Variants in DEPDC4 observed in about 807,000 individuals in gnomAD.
DEPDC4 encodes DEP domain-containing protein 4.
A neutral mutation model predicts 52.0 loss-of-function variants in DEPDC4; 52 were observed. The ratio of observed to expected loss-of-function variants is 1.00; its 90% confidence interval spans 0.80 to 1.26. The LOEUF (loss-of-function observed/expected upper bound fraction) is 1.26. Ranked by LOEUF, DEPDC4 falls within the 50% of genes most tolerant of loss-of-function variation. DEPDC4 has a pLI of 0.00. For synonymous variants in DEPDC4, 201 were observed against 196.8 expected (o/e 1.02, Z -0.18); for missense variants, 530 against 546.9 (o/e 0.97, Z 0.31).
At chr12:100,234,721 T>C (rs1487587790) in intron 9 of DEPDC4, among the ~76,000 whole-genome samples, 3 of 152,238 alleles carry the variant, frequency 2.0e-5, no homozygotes, top group Non-Finnish European at 2.9e-5. Flanking sequence ...GGAAATTTAC[T>C]GAATATTCTA....
chr12:100,276,702 T>A, the DEPDC4 span, among the ~76,000 whole-genome samples: 1 of 152,156 alleles, frequency 6.6e-6, no homozygotes, highest in South Asian at 2.1e-4. Context: ...AAACTTTTTT[T>A]TTACTTCATT....
chr12:100,244,304 C>T (rs1379632786), intron 8 of DEPDC4, among the ~76,000 whole-genome samples: 2 of 151,302 alleles, frequency 1.3e-5, no homozygotes, highest in African/African-American at 4.9e-5. Flanking sequence ...CCTCAGCCCC[C>T]CGAGTGGCTG....
chr12:100,271,661 G>C (rs1207183035), upstream of DEPDC4, among the ~76,000 whole-genome samples: 1 of 152,196 alleles, frequency 6.6e-6, no homozygotes, highest in East Asian at 1.9e-4. Context: ...GAGACTGAAA[G>C]TTATTAAATG....
downstream of DEPDC4, among the ~76,000 whole-genome samples, chr12:100,236,483 A>T (rs141989321): frequency 3.9e-5 from 6 of 151,932 alleles, no homozygotes; most frequent in African/African-American, 1.5e-4. Context: ...GGTCATTTGT[A>T]TATCTTCTTT....
At chr12:100,281,592 GGGAGTC>G in the DEPDC4 span, among the ~76,000 whole-genome samples, 2 of 152,144 alleles carry the variant, frequency 1.3e-5, no homozygotes, top group Non-Finnish European at 2.9e-5. Context: ...CCAGCACTTT[GGGAGTC>G]TGAGGCGGGC....
the DEPDC4 span, among the ~76,000 whole-genome samples, chr12:100,280,524 G>T: frequency 1.3e-5 from 2 of 152,052 alleles, no homozygotes; most frequent in African/African-American, 4.8e-5. Flanking sequence ...TTTGAAGAAA[G>T]CTTCCTTTAA....
downstream of DEPDC4, among the ~76,000 whole-genome samples, chr12:100,237,213 T>C (rs533284428): frequency 5.7e-4 from 86 of 151,408 alleles, no homozygotes; most frequent in African/African-American, 1.1e-3. Flanking sequence ...TTTTCTTTTT[T>C]TTTTTTTTTG....
At chr12:100,267,277 A>T (rs1431667479), upstream of DEPDC4, 1 of 587,276 alleles carries the variant, frequency 1.7e-6, no homozygotes, top group Admixed American at 3.1e-5. Context: ...GGCGGAGGAT[A>T]TGGAGTAAAG....
upstream of DEPDC4, among the ~76,000 whole-genome samples, chr12:100,269,297 A>G (rs185948787): frequency 1.3e-5 from 2 of 151,882 alleles, no homozygotes; most frequent in South Asian, 4.2e-4. Context: ...TGGTTATGCT[A>G]CTTCCTCTGC....
upstream of DEPDC4, chr12:100,267,175 T>C: frequency 7.4e-7 from 1 of 1,343,944 alleles, no homozygotes. Context: ...GGCAGGTCTT[T>C]TAGTCTTTTT....
chr12:100,251,638 G>A (rs1000954959), intron 7 of DEPDC4, among the ~76,000 whole-genome samples: 2 of 151,998 alleles, frequency 1.3e-5, no homozygotes, highest in African/African-American at 2.4e-5. Context: ...CGCAGTCTTG[G>A]TTCATTGCAA....
At position 100,262,278 on chromosome 12, in the gene DEPDC4, C is replaced by T. The variant is rs145497556; in HGVS notation, c.686G>A (p.Arg229Gln). ...AAACAAATTACCTTCTTTTGAAAGC[C>T]GGAGAAAAGGTTTCTGAACTGTGAT... ...PNITVQKPFL[R>Q]LSKEDVWKEQ... Residue 229 changes from arginine to glutamine, a missense_variant, in exon 3 of 10, where the codon CGG becomes CAG. By Grantham distance (43) the Arg-to-Gln change is conservative. Coordinates refer to ENST00000550587, the MANE Select transcript of DEPDC4 (RefSeq NM_001364818.2). 1.3e-4 allele frequency: 214 copies of T among 1,600,848 alleles called. No homozygotes were observed. The highest frequency in any genetic ancestry group is 6.2e-4 in the South Asian group (55 of 88,476).
At chr12:100,254,275 G>A (rs1215914032) in intron 4 of DEPDC4, among the ~76,000 whole-genome samples, 1 of 141,070 alleles carries the variant, frequency 7.1e-6, no homozygotes, top group Non-Finnish European at 1.5e-5. Context: ...AGATAGGTTA[G>A]TATTTACTGT....
At chr12:100,251,035 A>G (rs1324705019) in intron 7 of DEPDC4, among the ~76,000 whole-genome samples, 1 of 152,204 alleles carries the variant, frequency 6.6e-6, no homozygotes. Context: ...ATAATGGAAA[A>G]AAAAGTTCAG....
chr12:100,266,167 G>A (rs1031022711), intron 1 of DEPDC4, among the ~76,000 whole-genome samples: 1 of 150,118 alleles, frequency 6.7e-6, no homozygotes, highest in African/African-American at 2.4e-5. Context: ...GCAGGGGGAA[G>A]TGGGTAGAAT....
downstream of DEPDC4, among the ~76,000 whole-genome samples, chr12:100,238,601 T>C (rs2096146910): frequency 6.8e-6 from 1 of 147,834 alleles, no homozygotes; most frequent in Non-Finnish European, 1.5e-5. Flanking sequence ...TCCTCCTACC[T>C]TAGCCTCCTG....
In DEPDC4 at chr12:100,266,906, A is replaced by C. The variant is rs747721184; in HGVS notation, c.157+14T>G. The C allele has an allele frequency of 6.2e-7, 1 of 1,611,472 alleles. No individual in the cohort carries two copies. The highest frequency in any genetic ancestry group is 1.7e-5 in the Admixed American group (1 of 59,616). The stretch of plus-strand genomic sequence containing the variant: ...CACCTTCACTGCACATTTGGCTAGG[A>C]TATACAGGGCTACCTGTCCTCCTTT... On this transcript the variant is annotated intron_variant, in intron 1 of 9. Transcript: ENST00000550587.
At chr12:100,251,577 T>A (rs1366804541) in intron 7 of DEPDC4, among the ~76,000 whole-genome samples, 6 of 151,892 alleles carry the variant, frequency 4.0e-5, no homozygotes, top group Non-Finnish European at 8.8e-5. Context: ...CTGGCATTTT[T>A]TTTTTTTTGA....
intron 4 of DEPDC4, among the ~76,000 whole-genome samples, chr12:100,254,621 C>T (rs973333038): frequency 6.6e-6 from 1 of 152,150 alleles, no homozygotes; most frequent in African/African-American, 2.4e-5. Context: ...GCCCCTGTGC[C>T]TGGCCTGAAT....
Sources: allele counts gnomAD v4.1 joint callset (sites outside exome capture counted in the v4.1 genomes callset), GRCh38; gene constraint gnomAD v4.1.1; transcripts MANE v1.5; gene names NCBI Gene and HGNC (gene_info 2026-07-23, HGNC 2026-07-21).